The following ACTL6A variants were observed in gnomAD, a reference collection of about 807,000 sequenced individuals.
ACTL6A encodes actin like 6A, also known as actin-like protein 6A.
Under a neutral mutation model 59.2 loss-of-function variants are expected in ACTL6A, and 5 were observed. That is an observed-to-expected ratio of 0.08 (90% CI 0.04 to 0.18). ACTL6A has a LOEUF of 0.18. ACTL6A is among the 10% of genes least tolerant of loss of function. The pLI, the probability that ACTL6A is intolerant of heterozygous loss-of-function variation, is 1.00. For missense variants in ACTL6A, 285 were observed against 526.9 expected (o/e 0.54, Z 4.49); for synonymous variants, 154 against 171.8 (o/e 0.90, Z 0.81).
chr3:179,583,223 A>G (rs376510615), intron 11 of ACTL6A, 130 bp from the exon 12 acceptor site: 3 of 660,170 alleles, frequency 4.5e-6, no homozygotes, highest in East Asian at 5.5e-5. Flanking sequence ...TATTAGTTCT[A>G]TATAATAGTA....
intron 1 of ACTL6A, 81 bp from the exon 2 acceptor site, chr3:179,569,743 G>A: frequency 8.5e-7 from 1 of 1,174,246 alleles, no homozygotes; most frequent in Non-Finnish European, 1.3e-6. Flanking sequence ...TTGAGCCTAG[G>A]AGGTTGAGGC....
chr3:179,586,093 G>C (rs1335492259), intron 12 of ACTL6A, among the ~76,000 whole-genome samples: 3 of 152,206 alleles, frequency 2.0e-5, no homozygotes, highest in African/African-American at 7.2e-5. Context: ...CAGATTTATA[G>C]TGTTAGGTGT....
intron 8 of ACTL6A, 24 bp from the exon 9 acceptor site, chr3:179,580,616 G>A (rs2108367059): frequency 6.5e-7 from 1 of 1,536,192 alleles, no homozygotes; most frequent in African/African-American, 1.4e-5. Context: ...AACCTTGTTT[G>A]TTACTTTTTT....
At chr3:179,575,401 A>G (rs1243985658) in intron 5 of ACTL6A, 1 of 456,604 alleles carries the variant, frequency 2.2e-6, no homozygotes, top group Admixed American at 2.3e-5. Context: ...TTCTTTTTAC[A>G]GCTTTATTCA....
intron 4 of ACTL6A, among the ~76,000 whole-genome samples, chr3:179,574,000 A>G (rs1049175190): frequency 1.3e-5 from 2 of 152,154 alleles, no homozygotes; most frequent in African/African-American, 2.4e-5. Flanking sequence ...AATACCAACT[A>G]TAAGTGGGAG....
intron 1 of ACTL6A, among the ~76,000 whole-genome samples, chr3:179,564,903 T>TA (rs1717784780): frequency 1.3e-5 from 2 of 150,764 alleles, no homozygotes; most frequent in Non-Finnish European, 3.0e-5. Flanking sequence ...TTTTTTTTTT[T>TA]AATAGAGATG....
chr3:179,585,265 G>A (rs1718450283), intron 12 of ACTL6A, among the ~76,000 whole-genome samples: 1 of 152,060 alleles, frequency 6.6e-6, no homozygotes, highest in African/African-American at 2.4e-5. Flanking sequence ...ACCACACCCG[G>A]CTAATTTTTT....
chr3:179,577,157 A>G (rs1172218600), intron 8 of ACTL6A, among the ~76,000 whole-genome samples: 1 of 152,172 alleles, frequency 6.6e-6, no homozygotes, highest in East Asian at 1.9e-4. Context: ...CATGCTTTTC[A>G]TACTTGCCAA....
Position 179,588,085 on chromosome 3 carries a change from G to T in ACTL6A, c.*75G>T. ...GCTTTAGTATACTCAGGAAAAGAAT[G>T]ACCATCTTTTGTAGAATGTTTATAC... On this transcript the variant is annotated 3_prime_UTR_variant, in exon 14 of 14. Transcript: ENST00000429709. The T allele has an allele frequency of 8.9e-7, 1 of 1,129,720 alleles. No individual in the cohort carries two copies. Among genetic ancestry groups the T allele is most frequent in the South Asian group, 1.7e-5 (1 of 58,410 alleles). The allele number at this position is 1,129,720 out of a possible 1,614,324, so 70.0% of individuals were successfully genotyped here. A position where few individuals can be genotyped will look rare whatever the true frequency, so the allele number is the denominator to read the frequency against.
chr3:179,575,156 C>A, intron 5 of ACTL6A: 1 of 328,354 alleles, frequency 3.0e-6, no homozygotes, highest in Non-Finnish European at 5.9e-6. Context: ...AATAATCTTT[C>A]TAAAGTGCTA....
chr3:179,584,700 G>T (rs929692193), intron 12 of ACTL6A, among the ~76,000 whole-genome samples: 10 of 151,984 alleles, frequency 6.6e-5, no homozygotes, highest in Middle Eastern at 3.4e-3. Flanking sequence ...CAGCAGAATC[G>T]CTTGAACCCA....
rs768322824 is a variant in ACTL6A, at chr3:179,581,230, A to G, written c.1026+10A>G. The G allele has an allele frequency of 1.2e-6, 2 of 1,605,898 alleles. No homozygotes were observed. Among genetic ancestry groups the G allele is most frequent in the Non-Finnish European group, 1.7e-6 (2 of 1,172,614 alleles). On this transcript the variant is annotated intron_variant, in intron 11 of 13. Coordinates refer to ENST00000429709, the MANE Select transcript of ACTL6A (RefSeq NM_004301.5). ...TATTGACATCAGACCAGTAAGTGCC[A>G]GTCTCCTGTTACGGTTTAAAGGTAT...
intron 1 of ACTL6A, 145 bp downstream of exon 1, chr3:179,563,262 G>A: frequency 7.6e-7 from 1 of 1,308,450 alleles, no homozygotes; most frequent in Non-Finnish European, 1.0e-6. Context: ...CCCGCCCCAC[G>A]CTCTGCCCGC....
intron 1 of ACTL6A, among the ~76,000 whole-genome samples, chr3:179,567,998 C>T (rs1576848484): frequency 1.3e-5 from 2 of 151,764 alleles, no homozygotes; most frequent in South Asian, 4.2e-4. Flanking sequence ...ATGGTGAAAC[C>T]CCATCTCTAC....
intron 12 of ACTL6A, among the ~76,000 whole-genome samples, chr3:179,585,330 G>A (rs1323198953): frequency 6.6e-6 from 1 of 152,102 alleles, no homozygotes; most frequent in Non-Finnish European, 1.5e-5. Flanking sequence ...TCAAACTCCC[G>A]ACCTCAGGTG....
chr3:179,580,397 T>G (rs1353881600), intron 8 of ACTL6A, among the ~76,000 whole-genome samples: 1 of 152,194 alleles, frequency 6.6e-6, no homozygotes, highest in East Asian at 1.9e-4. Context: ...CTGCAGTTAT[T>G]TATCTCTCAT....
At position 179,576,385 on chromosome 3, in the gene ACTL6A, T is replaced by G. The variant is rs898140508; in HGVS notation, c.571+74T>G. The G allele has an allele frequency of 4.4e-6, 5 of 1,142,592 alleles. No homozygotes were observed. In the African/African-American group the frequency reaches 6.2e-5, roughly 14 times the overall value. 70.8% of individuals were successfully genotyped at this position (1,142,592 alleles called of 1,614,324 possible). On this transcript the variant is annotated intron_variant, in intron 6 of 13. Coordinates refer to ENST00000429709, the MANE Select transcript of ACTL6A (RefSeq NM_004301.5). ...GGATGCACATAATGAAATAAAATGA[T>G]GAGTAGCACTATTAAAGCATATCAG...
chr3:179,569,926 G>T (rs771709230), intron 2 of ACTL6A, 26 bp downstream of exon 2: 2 of 1,604,900 alleles, frequency 1.2e-6, no homozygotes, highest in South Asian at 2.2e-5. Flanking sequence ...GAGTTAATTG[G>T]ATATGTAAAG....
At position 179,578,579 on chromosome 3, in the gene ACTL6A, A is replaced by G. The variant is rs141943800; in HGVS notation, c.768+1666A>G. Among the ~76,000 whole-genome samples the G allele has an allele frequency of 7.9e-3, 1,203 of 152,272 alleles. 19 individuals carry two copies. Among genetic ancestry groups the G allele is most frequent in the African/African-American group, 0.027 (1,140 of 41,550 alleles). On this transcript the variant is annotated intron_variant, in intron 8 of 13. Coordinates refer to ENST00000429709, the MANE Select transcript of ACTL6A (RefSeq NM_004301.5). ...GGCTGCAGTGAGCTGTGATTGTACC[A>G]GTGCCTTCTAGCCTGGGTAACGAGT...
Sources: allele counts gnomAD v4.1 joint callset (sites outside exome capture counted in the v4.1 genomes callset), GRCh38; gene constraint gnomAD v4.1.1; transcripts MANE v1.5; gene names NCBI Gene and HGNC (gene_info 2026-07-23, HGNC 2026-07-21).